Variants in MAGI3 observed in about 807,000 individuals in gnomAD.
MAGI3 encodes the protein membrane associated guanylate kinase, WW and PDZ domain containing 3.
Under a neutral mutation model 121.8 loss-of-function variants are expected in MAGI3, and 43 were observed. The observed-to-expected ratio is 0.35, with a 90% CI of 0.28 to 0.46. The LOEUF (loss-of-function observed/expected upper bound fraction) is 0.46, where lower values mean the gene tolerates loss of function less well. MAGI3 is among the 20% of genes least tolerant of loss of function. The pLI, the probability that MAGI3 is intolerant of heterozygous loss-of-function variation, is 1.00. For missense variants in MAGI3, 1,547 were observed against 1,797.3 expected (o/e 0.86, Z 2.52); for synonymous variants, 553 against 639.3 (o/e 0.86, Z 2.04).
At chr1:113,556,281 G>A (rs1391699260) in intron 2 of MAGI3, among the ~76,000 whole-genome samples, 22 of 152,132 alleles carry the variant, frequency 1.4e-4, no homozygotes. Context: ...CATTCTTTGA[G>A]ATCAATAAAA....
chr1:113,650,744 G>A (rs962801254), intron 13 of MAGI3, among the ~76,000 whole-genome samples: 1 of 152,132 alleles, frequency 6.6e-6, no homozygotes, highest in Non-Finnish European at 1.5e-5. Context: ...TAATGGTTGT[G>A]CTTTTTGAGT....
chr1:113,632,543 C>T (rs192985970), intron 9 of MAGI3, among the ~76,000 whole-genome samples: 3 of 152,306 alleles, frequency 2.0e-5, no homozygotes, highest in Non-Finnish European at 2.9e-5. Context: ...TAAGTCAAGA[C>T]TGTATTAAAA....
Position 113,682,914 on chromosome 1 carries a change from A to T in MAGI3, c.3346A>T (p.Asn1116Tyr). ...TTTTTTAGGTGATTGGGATATTAAT[A>T]ATCCTTCGTCTTCAAATGTGATTTA... is the stretch of plus-strand genomic sequence containing the variant. ...IPDHGDWDIN[N>Y]PSSSNVIYDE... Residue 1116 changes from asparagine to tyrosine, a missense_variant, in exon 21 of 21, where the codon AAT becomes TAT. Coordinates refer to ENST00000307546, the MANE Select transcript of MAGI3 (RefSeq NM_001142782.2). 6.3e-7 allele frequency: 1 copy of T among 1,583,236 alleles called. No individual in the cohort carries two copies. Among genetic ancestry groups the T allele is most frequent in the Non-Finnish European group, 8.6e-7 (1 of 1,168,794 alleles).
chr1:113,683,364 T>A lies in MAGI3; in HGVS notation c.3796T>A (p.Cys1266Ser), dbSNP rs899242454. The change falls in exon 21 of 21, where the codon TGT (cysteine) becomes AGT (serine). Residue 1266 changes from cysteine (C) to serine (S), a missense_variant. Physicochemically the swap from Cys to Ser is moderately radical, Grantham distance 112 (BLOSUM62 -1). Transcript: ENST00000307546. ...CCCCAGCAAAGGGGAAAATAAAAGT[T>A]GTCAGGTCAGCACCAGGGCAGGCTC... ...LSPSKGENKS[C>S]QVSTRAGSGQ... is the part of the protein sequence containing the mutation. 21 of 1,613,706 alleles carry A rather than the reference T, an allele frequency of 1.3e-5. No individual in the cohort carries two copies. Among genetic ancestry groups the A allele is most frequent in the Non-Finnish European group, 1.8e-5 (21 of 1,179,880 alleles).
intron 9 of MAGI3, among the ~76,000 whole-genome samples, chr1:113,629,587 G>T (rs375841225): frequency 2.1e-4 from 32 of 152,218 alleles, no homozygotes; most frequent in African/African-American, 7.7e-4. Flanking sequence ...CCAGGTATTC[G>T]AAGGGACCTA....
At chr1:113,574,734 T>C (rs1303535411) in intron 2 of MAGI3, among the ~76,000 whole-genome samples, 1 of 152,170 alleles carries the variant, frequency 6.6e-6, no homozygotes, top group Admixed American at 6.5e-5. Context: ...AGTTGGCCTC[T>C]CTTGCTAGGT....
intron 1 of MAGI3, among the ~76,000 whole-genome samples, chr1:113,460,540 T>A (rs190120058): frequency 6.6e-6 from 1 of 152,176 alleles, no homozygotes; most frequent in African/African-American, 2.4e-5. Flanking sequence ...CCGGGCACGG[T>A]GGCTCACGCC....
chr1:113,505,906 G>A (rs1056754903), intron 1 of MAGI3, among the ~76,000 whole-genome samples: 4 of 152,154 alleles, frequency 2.6e-5, no homozygotes, highest in Non-Finnish European at 5.9e-5. Context: ...GTAGGGCGTT[G>A]TCACCCTTGT....
chr1:113,450,532 C>G, intron 1 of MAGI3: 1 of 1,021,160 alleles, frequency 9.8e-7, no homozygotes, highest in Non-Finnish European at 1.5e-6. Flanking sequence ...ATGATGGTTA[C>G]AATGAAGGAG....
intron 7 of MAGI3, among the ~76,000 whole-genome samples, chr1:113,616,498 G>A (rs1650479006): frequency 1.3e-5 from 2 of 152,324 alleles, no homozygotes. Flanking sequence ...CAGATGGCAC[G>A]ATGATTGCTC....
At chr1:113,607,651 A>G (rs1649861423) in intron 6 of MAGI3, among the ~76,000 whole-genome samples, 1 of 152,124 alleles carries the variant, frequency 6.6e-6, no homozygotes, top group Non-Finnish European at 1.5e-5. Context: ...ATTTTTGTAT[A>G]TGTTTTATTA....
chr1:113,391,216 G>C lies in MAGI3; in HGVS notation c.183G>C (p.Ser61=), dbSNP rs1218378674. 1 of 1,556,030 alleles carries C rather than the reference G, an allele frequency of 6.4e-7. No homozygotes were observed. Among genetic ancestry groups the C allele is most frequent in the African/African-American group, 1.4e-5 (1 of 73,250 alleles). The change falls in exon 1 of 21, where the codon TCG becomes TCC. Residue 61 remains serine, a synonymous_variant. Transcript: ENST00000307546. The surrounding 1 kb of genome is among the most constrained non-coding windows in gnomAD (Gnocchi z 4.4). The part of the protein sequence containing the change: ...EPGGGTCCVV[S]GKAPSPGDVL... ...GCGGGGGCACCTGCTGCGTCGTCTC[G>C]GGCAAGGCGCCCAGCCCAGGCGATG...
chr1:113,416,187 A>ATTATGTAATTAATGACACATATT (rs769035340), intron 1 of MAGI3, among the ~76,000 whole-genome samples: 1 of 38,730 alleles, frequency 2.6e-5, no homozygotes, highest in Non-Finnish European at 4.5e-5. Context: ...GACACATATT[A>ATTATGTAATTAATGACACATATT]ATTATGTAAT....
At chr1:113,477,341 G>C (rs1489415721) in intron 1 of MAGI3, among the ~76,000 whole-genome samples, 1 of 152,086 alleles carries the variant, frequency 6.6e-6, no homozygotes, top group Non-Finnish European at 1.5e-5. Context: ...TTACAATTTG[G>C]CCTGTTTTTG....
intron 1 of MAGI3, among the ~76,000 whole-genome samples, chr1:113,425,016 G>A (rs949105646): frequency 5.3e-5 from 8 of 151,638 alleles, no homozygotes; most frequent in Middle Eastern, 3.4e-3. Flanking sequence ...AAAATTAGCC[G>A]GGTGTGGTGG....
intron 2 of MAGI3, among the ~76,000 whole-genome samples, chr1:113,553,097 T>TA (rs1659850236): frequency 6.6e-6 from 1 of 152,236 alleles, no homozygotes; most frequent in African/African-American, 2.4e-5. Context: ...AGGGCACTTC[T>TA]ATTATTGTCA....
intron 19 of MAGI3, among the ~76,000 whole-genome samples, chr1:113,679,885 A>G (rs144698565): frequency 4.6e-4 from 70 of 151,880 alleles, no homozygotes; most frequent in Non-Finnish European, 9.6e-4. Flanking sequence ...TTGTATTTTT[A>G]GTAGAGACCG....
At chr1:113,626,972 A>T (rs1651278430) in intron 9 of MAGI3, among the ~76,000 whole-genome samples, 1 of 151,754 alleles carries the variant, frequency 6.6e-6, no homozygotes. Flanking sequence ...TCTTCTATTA[A>T]TCTAGAGCTT....
chr1:113,452,198 T>C (rs545045846), intron 1 of MAGI3, among the ~76,000 whole-genome samples: 49 of 152,226 alleles, frequency 3.2e-4, no homozygotes, highest in African/African-American at 1.1e-3. Flanking sequence ...GAAGGGGAAG[T>C]AATTTTTAGT....
Sources: gnomAD v4.1 joint callset for allele counts (sites outside exome capture counted in the v4.1 genomes callset) on GRCh38, gnomAD v4.1.1 for gene constraint, Gnocchi (gnomAD v3.1) non-coding constraint, MANE v1.5 for transcripts, NCBI Gene and HGNC (gene_info 2026-07-23, HGNC 2026-07-21) for gene names.